Variants in KIF6 observed in about 807,000 individuals in gnomAD.
KIF6 encodes kinesin-like protein KIF6.
KIF6 carries 106 observed loss-of-function variants against 112.7 expected under a neutral mutation model. The observed-to-expected ratio is 0.94, with a 90% CI of 0.80 to 1.11. The LOEUF (loss-of-function observed/expected upper bound fraction) is 1.11, where lower values mean the gene tolerates loss of function less well. Ranked by LOEUF, KIF6 falls within the 50% of genes least tolerant of loss-of-function variation. The pLI is 0.00. For missense variants in KIF6, 929 were observed against 964.0 expected, an observed-to-expected ratio of 0.96 and a Z score of 0.48; for synonymous variants, 339 against 339.9, an observed-to-expected ratio of 1.00 and a Z score of 0.03.
chr6:39,655,552 C>T (rs1290130936), intron 3 of KIF6, among the ~76,000 whole-genome samples: 1 of 151,822 alleles, frequency 6.6e-6, no homozygotes, highest in Non-Finnish European at 1.5e-5. Context: ...TCTGCATTTC[C>T]CTCTATTTAT....
chr6:39,507,255 T>G (rs1776473803), intron 13 of KIF6, among the ~76,000 whole-genome samples: 1 of 152,148 alleles, frequency 6.6e-6, no homozygotes, highest in African/African-American at 2.4e-5. Flanking sequence ...TTGAATTAAA[T>G]GTAGGATGCT....
chr6:39,381,584 T>C (rs1162922283), intron 16 of KIF6, among the ~76,000 whole-genome samples: 2 of 152,216 alleles, frequency 1.3e-5, no homozygotes, highest in African/African-American at 2.4e-5. Context: ...GTTAAGGTTC[T>C]ATAAGCAATC....
intron 13 of KIF6, among the ~76,000 whole-genome samples, chr6:39,514,540 A>C (rs1392587271): frequency 6.6e-6 from 1 of 152,234 alleles, no homozygotes; most frequent in Non-Finnish European, 1.5e-5. Context: ...CATGTACATA[A>C]AATGTGTAAG....
chr6:39,584,206 G>A (rs1476647420), intron 9 of KIF6, among the ~76,000 whole-genome samples: 1 of 151,570 alleles, frequency 6.6e-6, no homozygotes, highest in Non-Finnish European at 1.5e-5. Flanking sequence ...TGGACTGCCT[G>A]AGCTCAGGAG....
At chr6:39,626,874 TGAAG>T (rs113422774) in intron 5 of KIF6, among the ~76,000 whole-genome samples, 236 of 152,280 alleles carry the variant, frequency 1.5e-3, no homozygotes, top group African/African-American at 5.5e-3. Context: ...CACTGGATTA[TGAAG>T]CCTTCCAATT....
intron 5 of KIF6, among the ~76,000 whole-genome samples, chr6:39,623,312 T>C (rs982151888): frequency 2.0e-5 from 3 of 152,210 alleles, no homozygotes; most frequent in Non-Finnish European, 4.4e-5. Context: ...TGGAATCATA[T>C]ATATGTTTTT....
At chr6:39,641,257 T>C (rs926017067) in intron 3 of KIF6, among the ~76,000 whole-genome samples, 1 of 152,134 alleles carries the variant, frequency 6.6e-6, no homozygotes, top group Non-Finnish European at 1.5e-5. Context: ...AAAGAATAGA[T>C]GTAAAATATT....
At chr6:39,635,600 T>C (rs2499452) in intron 4 of KIF6, among the ~76,000 whole-genome samples, 20,259 of 152,008 alleles carry the variant, frequency 0.13, 1,664 homozygotes, top group African/African-American at 0.23. Context: ...GTTTAGCTAT[T>C]AGATAGAGAG....
At chr6:39,381,900 G>T (rs1471998088) in intron 16 of KIF6, among the ~76,000 whole-genome samples, 2 of 152,196 alleles carry the variant, frequency 1.3e-5, no homozygotes, top group Non-Finnish European at 2.9e-5. Context: ...CCTAACACCT[G>T]CTGTAATTCA....
At chr6:39,550,649 C>T (rs1253543663) in intron 10 of KIF6, among the ~76,000 whole-genome samples, 3 of 152,158 alleles carry the variant, frequency 2.0e-5, no homozygotes, top group Non-Finnish European at 4.4e-5. Context: ...TCAACTGTCT[C>T]CTCACTGGTT....
At chr6:39,485,898 T>C (rs992682960) in intron 13 of KIF6, among the ~76,000 whole-genome samples, 3 of 152,180 alleles carry the variant, frequency 2.0e-5, no homozygotes, top group Non-Finnish European at 1.5e-5. Flanking sequence ...AACATTTCTA[T>C]GAGGGAGATA....
chr6:39,410,010 C>A (rs538038843), intron 15 of KIF6, among the ~76,000 whole-genome samples: 9 of 152,324 alleles, frequency 5.9e-5, no homozygotes, highest in African/African-American at 2.2e-4. Flanking sequence ...CTGCCCTGGG[C>A]AAATCAGTCA....
intron 10 of KIF6, among the ~76,000 whole-genome samples, chr6:39,560,844 C>T (rs1779972242): frequency 6.6e-6 from 1 of 152,138 alleles, no homozygotes; most frequent in East Asian, 1.9e-4. Flanking sequence ...TTTTTAGGGG[C>T]ATTTTGCAGA....
chr6:39,556,483 C>G (rs937216316), intron 10 of KIF6, among the ~76,000 whole-genome samples: 1 of 152,070 alleles, frequency 6.6e-6, no homozygotes, highest in Non-Finnish European at 1.5e-5. Context: ...GGCTTCGAAG[C>G]TGACAAAAGA....
intron 13 of KIF6, among the ~76,000 whole-genome samples, chr6:39,512,410 C>T (rs1272683232): frequency 1.3e-5 from 2 of 152,162 alleles, no homozygotes; most frequent in African/African-American, 4.8e-5. Context: ...CTTCTCCAGT[C>T]CTGTAAGATC....
intron 13 of KIF6, among the ~76,000 whole-genome samples, chr6:39,495,413 C>T (rs1456155652): frequency 6.6e-6 from 1 of 152,180 alleles, no homozygotes; most frequent in Non-Finnish European, 1.5e-5. Context: ...CAGCATCCTG[C>T]TCTCCCAGCC....
chr6:39,607,750 A>C (rs1582258798), intron 6 of KIF6, among the ~76,000 whole-genome samples: 1 of 152,314 alleles, frequency 6.6e-6, no homozygotes, highest in East Asian at 1.9e-4. Context: ...TACTGTAATA[A>C]GATCAAGGCC....
chr6:39,647,211 G>T (rs1053510958), intron 3 of KIF6, among the ~76,000 whole-genome samples: 1 of 152,124 alleles, frequency 6.6e-6, no homozygotes, highest in African/African-American at 2.4e-5. Flanking sequence ...TTTTGATCAC[G>T]GGGCATTTCC....
rs1404510826 is a variant in KIF6 at position 39,334,910 on chromosome 6, A to AGGGCCAGGAGT, written c.*1611_*1621dup. 6.6e-6 allele frequency: 1 copy of AGGGCCAGGAGT among 152,146 alleles called. No individual in the cohort carries two copies. Among genetic ancestry groups the AGGGCCAGGAGT allele is most frequent in the African/African-American group, 2.4e-5 (1 of 41,440 alleles). The allele number at this position is 152,146 out of a possible 1,614,324, so 9.4% of individuals were successfully genotyped here. A position where few individuals can be genotyped will look rare whatever the true frequency, so the allele number is the denominator to read the frequency against. On this transcript the variant is annotated 3_prime_UTR_variant, in exon 23 of 23. Transcript: ENST00000287152. Reference sequence around the variant, plus strand: ...GCTTACTATGTTCCATTGAACTGTGAGGGCCAGGAGTGGACCAGAGATGCT... The same window carrying AGGGCCAGGAGT: ...GCTTACTATGTTCCATTGAACTGTGAGGGCCAGGAGTGGGCCAGGAGTGGACCAGAGATGCT...
Sources: allele counts gnomAD v4.1 joint callset (sites outside exome capture counted in the v4.1 genomes callset), GRCh38; gene constraint gnomAD v4.1.1; transcripts MANE v1.5; gene names NCBI Gene and HGNC (gene_info 2026-07-23, HGNC 2026-07-21).